The following TRPM8 variants were observed in gnomAD, a reference collection of about 807,000 sequenced individuals.
The protein encoded by TRPM8 is transient receptor potential cation channel subfamily M member 8, also known as TRPM8 cationic channel.
In TRPM8, 110 loss-of-function variants were observed where a neutral mutation model predicts 133.7. The observed-to-expected ratio is 0.82, with a 90% CI of 0.70 to 0.96. The LOEUF (loss-of-function observed/expected upper bound fraction) is 0.96, where lower values mean the gene tolerates loss of function less well. TRPM8 is among the 40% of genes least tolerant of loss of function. TRPM8 has a pLI of 0.00. For missense variants in TRPM8, 1,291 were observed against 1,379.5 expected, an observed-to-expected ratio of 0.94 and a Z score of 1.02; for synonymous variants, 535 against 532.3, an observed-to-expected ratio of 1.01 and a Z score of -0.07.
Position 233,960,941 on chromosome 2 carries a change from C to G in TRPM8, c.1528C>G (p.Gln510Glu). The G allele has an allele frequency of 6.2e-7, 1 of 1,614,186 alleles. No individual in the cohort carries two copies. Among genetic ancestry groups the G allele is most frequent in the South Asian group, 1.1e-5 (1 of 91,070 alleles). The change falls in exon 12 of 26, where the codon CAG becomes GAG. Residue 510 changes from glutamine (Q) to glutamate (E), a missense_variant. This residue lies in a region of TRPM8 where 963 missense variants were observed against 968.9 expected (regional missense o/e 0.99). Transcript: ENST00000324695. Reference protein sequence around the residue: ...HFSTLVYRNLQIAKNSYNDAL... With the variant: ...HFSTLVYRNLEIAKNSYNDAL... ...CAGCACGCTTGTGTACCGGAATCTGCAGATCGCCAAGAATTCCTATAATGA... is the reference window on the plus strand; with the variant it reads ...CAGCACGCTTGTGTACCGGAATCTGGAGATCGCCAAGAATTCCTATAATGA...
intron 6 of TRPM8, chr2:233,943,037 C>T: frequency 2.2e-6 from 1 of 445,358 alleles, no homozygotes; most frequent in Non-Finnish European, 3.9e-6. Flanking sequence ...TTACATCCAT[C>T]TCAGGCGGGC....
intron 4 of TRPM8, 97 bp downstream of exon 4, chr2:233,937,606 G>T: frequency 7.2e-7 from 1 of 1,390,258 alleles, no homozygotes; most frequent in Non-Finnish European, 9.8e-7. Flanking sequence ...ATGGAGGCAG[G>T]AGAGATGGGT....
At chr2:233,949,381 A>T (rs1316727086) in intron 8 of TRPM8, among the ~76,000 whole-genome samples, 1 of 152,250 alleles carries the variant, frequency 6.6e-6, no homozygotes, top group Non-Finnish European at 1.5e-5. Context: ...GTTGTTACAA[A>T]GGTCATAAAA....
chr2:233,982,617 C>T (rs796342290), intron 19 of TRPM8, among the ~76,000 whole-genome samples: 30 of 152,240 alleles, frequency 2.0e-4, no homozygotes, highest in Admixed American at 9.2e-4. Context: ...AAAAATTAAA[C>T]GGTCCATTCT....
intron 24 of TRPM8, among the ~76,000 whole-genome samples, chr2:234,011,990 G>C: frequency 7.1e-6 from 1 of 139,884 alleles, no homozygotes; most frequent in East Asian, 2.0e-4. Context: ...TTACTTCTTT[G>C]TTAAATTTGT....
chr2:233,937,714 G>A (rs900601866), intron 4 of TRPM8, among the ~76,000 whole-genome samples: 1 of 152,158 alleles, frequency 6.6e-6, no homozygotes, highest in Non-Finnish European at 1.5e-5. Flanking sequence ...ACAGGTTAAG[G>A]ACTGGATTAT....
At position 233,930,741 on chromosome 2, in the gene TRPM8, C is replaced by G. The variant is rs146149942; in HGVS notation, c.191C>G (p.Thr64Arg). 6.2e-7 allele frequency: 1 copy of G among 1,601,412 alleles called. No homozygotes were observed. The highest frequency in any genetic ancestry group is 8.5e-7 in the Non-Finnish European group (1 of 1,172,024). The change falls in exon 3 of 26, where the codon ACG (threonine) becomes AGG (arginine). Residue 64 changes from threonine to arginine, a missense_variant and splice_region_variant. Coordinates refer to ENST00000324695, the MANE Select transcript of TRPM8 (RefSeq NM_024080.5). ...TTCTTTACCAAAGATTCCAAGGCCA[C>G]GTAAGCTACTATTTTCCCTCCAGTT... ...CVFFTKDSKA[T>R]ENVCKCGYAQ... is the part of the protein sequence containing the mutation.
intron 11 of TRPM8, among the ~76,000 whole-genome samples, chr2:233,959,843 G>A (rs916549026): frequency 2.6e-5 from 4 of 151,962 alleles, no homozygotes; most frequent in Admixed American, 6.6e-5. Flanking sequence ...GTGCAGTGGT[G>A]TGATCTTGGC....
At chr2:233,956,694 G>C (rs905879372) in intron 11 of TRPM8, among the ~76,000 whole-genome samples, 2 of 152,134 alleles carry the variant, frequency 1.3e-5, no homozygotes, top group Non-Finnish European at 2.9e-5. Context: ...ATTAACATGC[G>C]ATCAGTTTTA....
intron 3 of TRPM8, among the ~76,000 whole-genome samples, chr2:233,932,365 C>A (rs182030397): frequency 3.3e-5 from 5 of 152,304 alleles, no homozygotes; most frequent in African/African-American, 9.6e-5. Context: ...GCAATTCCAT[C>A]AAAAGTCCTG....
chr2:233,973,900 C>CGGG (rs769358830), intron 17 of TRPM8, among the ~76,000 whole-genome samples: 2 of 152,304 alleles, frequency 1.3e-5, no homozygotes, highest in African/African-American at 2.4e-5. Context: ...AGCCACGGTG[C>CGGG]GGGAGCTCAC....
At chr2:233,940,368 C>T (rs975219042) in intron 5 of TRPM8, among the ~76,000 whole-genome samples, 2 of 151,678 alleles carry the variant, frequency 1.3e-5, no homozygotes, top group Non-Finnish European at 2.9e-5. Flanking sequence ...CCTTACCAAC[C>T]AGAGGGAACA....
chr2:234,007,352 G>C (rs1245361028), intron 23 of TRPM8, among the ~76,000 whole-genome samples: 1 of 152,220 alleles, frequency 6.6e-6, no homozygotes, highest in African/African-American at 2.4e-5. Context: ...TTGTGGTGAA[G>C]AAGTACAGAT....
chr2:233,957,806 A>G (rs1177979449), intron 11 of TRPM8, among the ~76,000 whole-genome samples: 1 of 152,194 alleles, frequency 6.6e-6, no homozygotes, highest in Non-Finnish European at 1.5e-5. Context: ...TATTTACACC[A>G]TAGGAATCAG....
At chr2:234,014,526 A>T (rs11562948) in intron 24 of TRPM8, 36 bp from the exon 25 acceptor site, 16 of 1,400,286 alleles carry the variant, frequency 1.1e-5, no homozygotes, top group Non-Finnish European at 1.5e-5. Flanking sequence ...TGGAAAATTT[A>T]TCTTAAGATG....
At chr2:233,948,620 T>A (rs1691101288) in intron 8 of TRPM8, among the ~76,000 whole-genome samples, 1 of 152,222 alleles carries the variant, frequency 6.6e-6, no homozygotes, top group South Asian at 2.1e-4. Flanking sequence ...AGGGGGAGAC[T>A]GGAGAGCTGC....
At chr2:233,927,840 C>T (rs1321215837) in intron 2 of TRPM8, among the ~76,000 whole-genome samples, 58 of 78,376 alleles carry the variant, frequency 7.4e-4, no homozygotes, top group Middle Eastern at 5.3e-3. Context: ...TCCTTCCTTC[C>T]TTCCTTCCTT....
intron 17 of TRPM8, among the ~76,000 whole-genome samples, chr2:233,974,528 G>A (rs745339466): frequency 6.6e-6 from 1 of 152,136 alleles, no homozygotes; most frequent in African/African-American, 2.4e-5. Flanking sequence ...CACTGCGCTC[G>A]GCCACCAAAA....
At chr2:233,930,234 C>T (rs1028847711) in intron 2 of TRPM8, among the ~76,000 whole-genome samples, 1 of 152,148 alleles carries the variant, frequency 6.6e-6, no homozygotes, top group Non-Finnish European at 1.5e-5. Flanking sequence ...TGCCTAACTA[C>T]CTCTCCCATG....
Sources: allele counts gnomAD v4.1 joint callset (sites outside exome capture counted in the v4.1 genomes callset), GRCh38; gene constraint gnomAD v4.1.1; regional missense constraint gnomAD v4.1.1; transcripts MANE v1.5; gene names NCBI Gene and HGNC (gene_info 2026-07-23, HGNC 2026-07-21).